ARL8B: variants seen among roughly 807,000 people sequenced by gnomAD.
ARL8B encodes the protein ADP-ribosylation factor-like protein 8B.
A neutral mutation model predicts 30.6 loss-of-function variants in ARL8B; 9 were observed. The ratio of observed to expected loss-of-function variants is 0.29; its 90% CI spans 0.18 to 0.51. ARL8B has a LOEUF of 0.51. Among genes scored for constraint, ARL8B ranks in the 20% least tolerant of loss-of-function variants. The pLI, the probability that ARL8B is intolerant of heterozygous loss-of-function variation, is 0.97. For synonymous variants in ARL8B, 74 were observed against 76.0 expected (o/e 0.97, Z 0.14); for missense variants, 130 against 227.2 (o/e 0.57, Z 2.75).
At chr3:5,154,078 T>A (rs2054511666) in intron 1 of ARL8B, among the ~76,000 whole-genome samples, 2 of 152,194 alleles carry the variant, frequency 1.3e-5, no homozygotes, top group African/African-American at 4.8e-5. Flanking sequence ...GTTATAGCAG[T>A]TTAATTGTGA....
chr3:5,172,298 C>A, intron 3 of ARL8B, 75 bp downstream of exon 3: 1 of 1,301,030 alleles, frequency 7.7e-7, no homozygotes, highest in Non-Finnish European at 1.1e-6. Context: ...TTTAGTATTT[C>A]CAGAGGCTCA....
intron 1 of ARL8B, among the ~76,000 whole-genome samples, chr3:5,134,243 C>G (rs993618528): frequency 2.6e-5 from 4 of 152,162 alleles, no homozygotes; most frequent in Non-Finnish European, 5.9e-5. Context: ...GTTTCGGACA[C>G]AAGGACTAGG....
intron 1 of ARL8B, among the ~76,000 whole-genome samples, chr3:5,143,482 A>AC (rs1343390013): frequency 6.6e-6 from 1 of 152,172 alleles, no homozygotes; most frequent in Non-Finnish European, 1.5e-5. Flanking sequence ...GGGAAATGGA[A>AC]CCACCTGTGC....
At position 5,131,457 on chromosome 3, in the gene ARL8B, C is replaced by G. The variant is rs1336060804; in HGVS notation, c.123+8869C>G. Among the ~76,000 whole-genome samples the G allele has an allele frequency of 4.0e-5, 6 of 151,430 alleles. 1 individual carries two copies. In the East Asian group the frequency reaches 9.8e-4, roughly 25 times the overall value. On this transcript the variant is annotated intron_variant, in intron 1 of 6. Transcript: ENST00000256496. Reference sequence around the variant, plus strand: ...CCAGGCTGGAGTGCAGTGGCGCGATCTCGGCTCACTGCAACCTCCGCCTCC... The same window carrying G: ...CCAGGCTGGAGTGCAGTGGCGCGATGTCGGCTCACTGCAACCTCCGCCTCC...
intron 1 of ARL8B, among the ~76,000 whole-genome samples, chr3:5,134,845 C>A (rs776928707): frequency 6.6e-6 from 1 of 152,174 alleles, no homozygotes; most frequent in Non-Finnish European, 1.5e-5. Flanking sequence ...GTTCCACCTT[C>A]ACTATGTCAT....
intron 6 of ARL8B, among the ~76,000 whole-genome samples, chr3:5,175,786 T>C (rs547455417): frequency 7.9e-5 from 12 of 152,318 alleles, no homozygotes; most frequent in East Asian, 5.8e-4. Context: ...CTTGTAGATA[T>C]ACCACTCCAG....
chr3:5,171,178 G>A (rs1365961551), intron 2 of ARL8B, among the ~76,000 whole-genome samples: 1 of 152,104 alleles, frequency 6.6e-6, no homozygotes, highest in Non-Finnish European at 1.5e-5. Flanking sequence ...TTAGTCAAGT[G>A]CAGGTTTCTT....
At chr3:5,140,553 T>C (rs2054364434) in intron 1 of ARL8B, among the ~76,000 whole-genome samples, 2 of 142,852 alleles carry the variant, frequency 1.4e-5, no homozygotes, top group Admixed American at 6.8e-5. Context: ...TCATACACCT[T>C]CTTGGTTTTT....
intron 1 of ARL8B, among the ~76,000 whole-genome samples, chr3:5,153,312 T>TG (rs1215642303): frequency 6.6e-6 from 1 of 152,168 alleles, no homozygotes; most frequent in African/African-American, 2.4e-5. Context: ...GATTAAATTA[T>TG]GGGGCAGATC....
chr3:5,166,026 T>C (rs1450581925), intron 1 of ARL8B, among the ~76,000 whole-genome samples: 2 of 151,930 alleles, frequency 1.3e-5, no homozygotes, highest in African/African-American at 4.8e-5. Flanking sequence ...CACCCGTTTC[T>C]ATTGTCTTAA....
intron 2 of ARL8B, 121 bp downstream of exon 2, chr3:5,170,704 TCAA>T: frequency 4.7e-6 from 3 of 638,852 alleles, no homozygotes; most frequent in Non-Finnish European, 8.0e-6. Context: ...TGTGCATGTT[TCAA>T]AAGAATAGGT....
intron 1 of ARL8B, among the ~76,000 whole-genome samples, chr3:5,151,690 C>G (rs1375052543): frequency 2.0e-5 from 3 of 151,736 alleles, no homozygotes; most frequent in African/African-American, 7.3e-5. Flanking sequence ...TGACTTGAAT[C>G]CTTTTACATT....
chr3:5,159,559 G>A (rs367765484), intron 1 of ARL8B, among the ~76,000 whole-genome samples: 1 of 137,306 alleles, frequency 7.3e-6, no homozygotes, highest in African/African-American at 2.7e-5. Context: ...CTGAGATCGC[G>A]CCATTGCACT....
chr3:5,135,619 C>T (rs191713734), intron 1 of ARL8B, among the ~76,000 whole-genome samples: 30 of 151,360 alleles, frequency 2.0e-4, no homozygotes, highest in Admixed American at 8.6e-4. Context: ...CCACCATGCT[C>T]AGCTACTTTT....
In ARL8B at chr3:5,178,990, T is replaced by C. The variant is rs1307896924; in HGVS notation, c.*277T>C. 3.2e-6 allele frequency: 1 copy of C among 316,956 alleles called. No individual in the cohort carries two copies. The highest frequency in any genetic ancestry group is 2.2e-5 in the African/African-American group (1 of 46,370). The allele number at this position is 316,956 out of a possible 1,614,324, so 19.6% of individuals were successfully genotyped here. ...CTTTAAAAACAGAAAAAAAACCCCA[T>C]ATACTTATGACCATCTTAAATCAAG... On this transcript the variant is annotated 3_prime_UTR_variant, in exon 7 of 7. Coordinates refer to ENST00000256496, the MANE Select transcript of ARL8B (RefSeq NM_018184.3).
intron 1 of ARL8B, among the ~76,000 whole-genome samples, chr3:5,152,657 T>A (rs2054494833): frequency 6.6e-6 from 1 of 152,206 alleles, no homozygotes; most frequent in Admixed American, 6.5e-5. Flanking sequence ...AGCTAATTTT[T>A]AAATTTTTTG....
At chr3:5,126,825 A>G (rs1160386038) in intron 1 of ARL8B, among the ~76,000 whole-genome samples, 1 of 152,216 alleles carries the variant, frequency 6.6e-6, no homozygotes, top group Non-Finnish European at 1.5e-5. Flanking sequence ...TTATTGCACA[A>G]TAAGTCATGT....
At chr3:5,172,120 T>C (rs1423852152) in intron 2 of ARL8B, 30 bp from the exon 3 acceptor site, 2 of 1,569,594 alleles carry the variant, frequency 1.3e-6, no homozygotes, top group African/African-American at 1.4e-5. Flanking sequence ...AAAATATCTT[T>C]ATTAAGAATT....
chr3:5,133,937 C>T (rs1349210385), intron 1 of ARL8B, among the ~76,000 whole-genome samples: 2 of 151,974 alleles, frequency 1.3e-5, no homozygotes, highest in Admixed American at 6.6e-5. Flanking sequence ...CAGGTCTCCC[C>T]TGCACTGCAC....
Sources: gnomAD v4.1 joint callset for allele counts (sites outside exome capture counted in the v4.1 genomes callset) on GRCh38, gnomAD v4.1.1 for gene constraint, MANE v1.5 for transcripts, NCBI Gene and HGNC (gene_info 2026-07-23, HGNC 2026-07-21) for gene names.